The following SOAT1 variants were observed in gnomAD, a reference collection of about 807,000 sequenced individuals.
The protein encoded by SOAT1 is sterol O-acyltransferase 1, also known as acyl-coenzyme A:cholesterol acyltransferase 1.
Under a neutral mutation model 69.5 loss-of-function variants are expected in SOAT1, and 55 were observed. The ratio of observed to expected loss-of-function variants is 0.79; its 90% confidence interval spans 0.64 to 0.99. SOAT1 has a LOEUF of 0.99. SOAT1 is among the 50% of genes least tolerant of loss of function. The pLI, the probability that SOAT1 is intolerant of heterozygous loss-of-function variation, is 0.00. For missense variants in SOAT1, 580 were observed against 669.3 expected (o/e 0.87, Z 1.47); for synonymous variants, 231 against 224.7 (o/e 1.03, Z -0.25).
At chr1:179,301,646 A>C (rs1664834414) in intron 1 of SOAT1, among the ~76,000 whole-genome samples, 2 of 152,178 alleles carry the variant, frequency 1.3e-5, no homozygotes, top group South Asian at 4.1e-4. Context: ...ACTTTAAATC[A>C]TTGTTTTCTC....
intron 10 of SOAT1, 123 bp from the exon 11 acceptor site, chr1:179,344,824 A>C (rs1666468818): frequency 1.2e-6 from 1 of 861,154 alleles, no homozygotes; most frequent in African/African-American, 1.7e-5. Context: ...ACTAGTGTTA[A>C]ATGGAATACA....
At chr1:179,320,627 G>T (rs1665563883) in intron 2 of SOAT1, among the ~76,000 whole-genome samples, 1 of 151,898 alleles carries the variant, frequency 6.6e-6, no homozygotes, top group Non-Finnish European at 1.5e-5. Flanking sequence ...AATGAATATG[G>T]GATGTCTTTA....
chr1:179,306,508 T>TGTTAATG (rs1459041543), intron 2 of SOAT1, among the ~76,000 whole-genome samples: 1 of 152,096 alleles, frequency 6.6e-6, no homozygotes, highest in Non-Finnish European at 1.5e-5. Context: ...TGAAGGTATT[T>TGTTAATG]GTTAATGAGG....
chr1:179,353,628 G>A lies in SOAT1; in HGVS notation c.1640G>A (p.Arg547His), dbSNP rs151112343. 2.1e-5 allele frequency: 34 copies of A among 1,613,490 alleles called. No homozygotes were observed. The highest frequency in any genetic ancestry group is 2.8e-5 in the Non-Finnish European group (33 of 1,179,646). Residue 547 changes from arginine to histidine, a missense_variant, in exon 16 of 16, where the codon CGT becomes CAT. Coordinates refer to ENST00000367619, the MANE Select transcript of SOAT1 (RefSeq NM_003101.6). ...DYVRPRSWTCRYVF is the reference protein window; with the variant it reads ...DYVRPRSWTCHYVF Reference sequence around the variant, plus strand: ...GTCCGGCCACGTTCCTGGACTTGTCGTTACGTGTTTTAGAAGCTTGGACTT... The same window carrying A: ...GTCCGGCCACGTTCCTGGACTTGTCATTACGTGTTTTAGAAGCTTGGACTT...
chr1:179,332,182 C>G (rs1053749016), intron 3 of SOAT1, among the ~76,000 whole-genome samples: 1 of 152,152 alleles, frequency 6.6e-6, no homozygotes, highest in African/African-American at 2.4e-5. Flanking sequence ...TGCCTGGAAG[C>G]CTTTTTAGGT....
Position 179,343,580 on chromosome 1 carries a change from T to A in SOAT1, c.942-10T>A, listed in dbSNP as rs1666417437. ...TTTAGAAACCTTATTTTTGTTTCTT[T>A]CTTTTTCAGGAATCCCACTGTAAGA... On this transcript the variant is annotated splice_polypyrimidine_tract_variant and intron_variant, in intron 9 of 15. Transcript: ENST00000367619. 6.2e-7 allele frequency: 1 copy of A among 1,606,392 alleles called. No individual in the cohort carries two copies. The highest frequency in any genetic ancestry group is 1.1e-5 in the South Asian group (1 of 90,282).
chr1:179,336,922 G>A (rs891259376), intron 4 of SOAT1, among the ~76,000 whole-genome samples: 5 of 152,066 alleles, frequency 3.3e-5, no homozygotes, highest in Admixed American at 6.5e-5. Flanking sequence ...TCAAACCCGG[G>A]GGAAGGAGGT....
intron 13 of SOAT1, among the ~76,000 whole-genome samples, 186 bp from the exon 14 acceptor site, chr1:179,350,110 A>T (rs1356083389): frequency 6.6e-6 from 1 of 152,242 alleles, no homozygotes; most frequent in Non-Finnish European, 1.5e-5. Context: ...TTGAACAATA[A>T]TAAGAGTTTG....
intron 14 of SOAT1, 144 bp downstream of exon 14, chr1:179,350,575 T>C: frequency 1.4e-6 from 1 of 733,210 alleles, no homozygotes; most frequent in Non-Finnish European, 2.2e-6. Flanking sequence ...ATGGTCAGAA[T>C]ATTGACTTTG....
At chr1:179,345,585 T>A (rs10798665) in intron 11 of SOAT1, among the ~76,000 whole-genome samples, 15,260 of 151,450 alleles carry the variant, frequency 0.1, 1,148 homozygotes, top group East Asian at 0.4. Context: ...TTTTTTGAAA[T>A]CGGGTCTCTC....
At chr1:179,323,045 C>CTTTTTT (rs36045111) in intron 2 of SOAT1, among the ~76,000 whole-genome samples, 7 of 126,730 alleles carry the variant, frequency 5.5e-5, no homozygotes, top group East Asian at 2.3e-4. Flanking sequence ...TCTTTTCTTT[C>CTTTTTT]TTTTTTTTTT....
intron 4 of SOAT1, among the ~76,000 whole-genome samples, chr1:179,336,936 A>G (rs1424664100): frequency 6.6e-6 from 1 of 151,894 alleles, no homozygotes; most frequent in Non-Finnish European, 1.5e-5. Flanking sequence ...AGGAGGTTGC[A>G]GTGAGCTGAG....
intron 3 of SOAT1, among the ~76,000 whole-genome samples, chr1:179,331,361 G>T (rs9803742): frequency 0.5 from 75,393 of 152,070 alleles, 19,669 homozygotes; most frequent in East Asian, 0.84. Flanking sequence ...TAAAGAAGTT[G>T]TGTTTTCTGT....
Position 179,302,782 on chromosome 1 carries a change from C to T in SOAT1, c.98C>T (p.Ser33Phe). The change falls in exon 2 of 16, where the codon TCC becomes TTC. Residue 33 changes from serine to phenylalanine, a missense_variant. Ser to Phe is a radical substitution (Grantham distance 155). Transcript: ENST00000367619. ...DEDQRNPAKE[S>F]LETPSNGRID... ...GACCAGAGAAACCCTGCAAAGGAGTCCCTAGAGACACCTAGTAATGGTGAG... is the reference window on the plus strand; with the variant it reads ...GACCAGAGAAACCCTGCAAAGGAGTTCCTAGAGACACCTAGTAATGGTGAG... The T allele has an allele frequency of 6.3e-7, 1 of 1,581,566 alleles. No homozygotes were observed. Among genetic ancestry groups the T allele is most frequent in the Non-Finnish European group, 8.5e-7 (1 of 1,170,354 alleles).
Position 179,323,497 on chromosome 1 carries a change from C to T in SOAT1, c.177+2C>T, listed in dbSNP as rs1400194878. 1.2e-6 allele frequency: 2 copies of T among 1,612,344 alleles called. No homozygotes were observed. The highest frequency in any genetic ancestry group is 2.7e-5 in the African/African-American group (2 of 75,006). ...ATAAAGTTGACAGCAGAGGCAGAGG[C>T]AAGTAACTCCCTCTTCTAGAAACAA... On this transcript the variant is annotated splice_donor_variant, in intron 3 of 15. Transcript: ENST00000367619. LOFTEE classifies it low-confidence loss of function (GC_TO_GT_DONOR).
rs773124031 is a variant in SOAT1 at position 179,342,134 on chromosome 1, C to T, written c.801C>T (p.Ala267=). ...IFEQIRFVMK[A]HSFVRENVPR... ...TGTAGATTCGTTTTGTAATGAAGGC[C>T]CACTCATTTGTCAGAGAGAACGTGC... Residue 267 remains alanine, a synonymous_variant, in exon 8 of 16, where the codon GCC becomes GCT. Coordinates refer to ENST00000367619, the MANE Select transcript of SOAT1 (RefSeq NM_003101.6). 4 of 1,613,308 alleles carry T rather than the reference C, an allele frequency of 2.5e-6. No individual in the cohort carries two copies. The highest frequency in any genetic ancestry group is 2.2e-5 in the East Asian group (1 of 44,824).
chr1:179,299,247 C>G lies in SOAT1; in HGVS notation c.-8-3430C>G, dbSNP rs528095654. 1.1e-3 allele frequency among the ~76,000 whole-genome samples: 174 copies of G among 152,276 alleles called. 1 individual carries two copies. Among genetic ancestry groups the G allele is most frequent in the Admixed American group, 4.3e-3 (66 of 15,292 alleles). On this transcript the variant is annotated intron_variant, in intron 1 of 15. Transcript: ENST00000367619. Reference sequence around the variant, plus strand: ...ATAGTCTTTGTTTTGAATTCTAGTTCTGCTGTTGGAGAATTATTTGATTTG... The same window carrying G: ...ATAGTCTTTGTTTTGAATTCTAGTTGTGCTGTTGGAGAATTATTTGATTTG...
intron 11 of SOAT1, among the ~76,000 whole-genome samples, chr1:179,346,920 C>G (rs937506157): frequency 6.6e-6 from 1 of 151,932 alleles, no homozygotes; most frequent in Non-Finnish European, 1.5e-5. Flanking sequence ...AACAAAAAGT[C>G]TCTAGAATTT....
chr1:179,305,188 C>T (rs961314534), intron 2 of SOAT1, among the ~76,000 whole-genome samples: 4 of 152,114 alleles, frequency 2.6e-5, no homozygotes, highest in East Asian at 1.9e-4. Flanking sequence ...TAAGGGGATT[C>T]GTAGAACATG....
Sources: gnomAD v4.1 joint callset for allele counts (sites outside exome capture counted in the v4.1 genomes callset) on GRCh38, gnomAD v4.1.1 for gene constraint, MANE v1.5 for transcripts, NCBI Gene and HGNC (gene_info 2026-07-23, HGNC 2026-07-21) for gene names.